The following PDS5B variants were observed in gnomAD, a reference collection of about 807,000 sequenced individuals.
PDS5B encodes the protein sister chromatid cohesion protein PDS5 homolog B.
In PDS5B, 51 loss-of-function variants were observed where a neutral mutation model predicts 184.1. That is an observed-to-expected ratio of 0.28 (90% CI 0.22 to 0.35). The LOEUF (loss-of-function observed/expected upper bound fraction) is 0.35, where lower values mean the gene tolerates loss of function less well. Ranked by LOEUF, PDS5B falls within the 10% of genes least tolerant of loss-of-function variation. The pLI, the probability that PDS5B is intolerant of heterozygous loss-of-function variation, is 1.00. For missense variants in PDS5B, 1,180 were observed against 1,723.3 expected, an observed-to-expected ratio of 0.68 and a Z score of 5.58; for synonymous variants, 566 against 569.2, an observed-to-expected ratio of 0.99 and a Z score of 0.08.
intron 1 of PDS5B, among the ~76,000 whole-genome samples, chr13:32,632,331 A>G (rs1456130138): frequency 6.6e-6 from 1 of 152,226 alleles, no homozygotes; most frequent in Non-Finnish European, 1.5e-5. Context: ...ACAAAAAGAC[A>G]ACCTAATTTA....
intron 29 of PDS5B, 127 bp downstream of exon 29, chr13:32,759,817 G>A: frequency 3.8e-6 from 2 of 533,106 alleles, no homozygotes. Flanking sequence ...AAGAATTAAC[G>A]ATCTTACATT....
intron 9 of PDS5B, among the ~76,000 whole-genome samples, chr13:32,676,653 C>T (rs373791621): frequency 2.6e-5 from 4 of 152,126 alleles, no homozygotes; most frequent in Non-Finnish European, 4.4e-5. Context: ...AAGATCTGGC[C>T]GGGCGCGGTG....
intron 1 of PDS5B, among the ~76,000 whole-genome samples, chr13:32,589,866 C>T (rs2057747743): frequency 6.6e-6 from 1 of 152,032 alleles, no homozygotes; most frequent in Non-Finnish European, 1.5e-5. Context: ...CCTTTCCTCA[C>T]ACTGTTCTGT....
rs1954948082 is a variant in PDS5B, at chr13:32,776,033, A to G, written c.*981A>G. On this transcript the variant is annotated 3_prime_UTR_variant, in exon 35 of 35. Coordinates refer to ENST00000315596, the MANE Select transcript of PDS5B (RefSeq NM_015032.4). ...CATTAGAAATATTCCAGTTCTCCGT[A>G]ACAGTGTAAAGTTAATCAGAAAGAA... 1 of 155,906 alleles carries G rather than the reference A, an allele frequency of 6.4e-6. No individual in the cohort carries two copies. The highest frequency in any genetic ancestry group is 2.4e-5 in the African/African-American group (1 of 41,484). 9.7% of individuals were successfully genotyped at this position (155,906 alleles called of 1,614,324 possible). A position where few individuals can be genotyped will look rare whatever the true frequency, so the allele number is the denominator to read the frequency against.
At chr13:32,764,984 T>C (rs530671678) in intron 31 of PDS5B, among the ~76,000 whole-genome samples, 1 of 152,282 alleles carries the variant, frequency 6.6e-6, no homozygotes, top group South Asian at 2.1e-4. Flanking sequence ...TTTCATTTAA[T>C]TTATTTCTTG....
intron 18 of PDS5B, among the ~76,000 whole-genome samples, chr13:32,709,484 T>C (rs994876110): frequency 5.3e-5 from 8 of 152,126 alleles, no homozygotes; most frequent in African/African-American, 1.9e-4. Flanking sequence ...TATTCTAATG[T>C]TCGTACCATT....
chr13:32,649,218 T>A (rs746495061), intron 2 of PDS5B: 12 of 191,468 alleles, frequency 6.3e-5, no homozygotes, highest in Non-Finnish European at 1.3e-4. Context: ...TAAGGGAGTT[T>A]TAGGTCTTTA....
chr13:32,757,599 C>G (rs1209551359), intron 26 of PDS5B, among the ~76,000 whole-genome samples: 1 of 152,138 alleles, frequency 6.6e-6, no homozygotes, highest in African/African-American at 2.4e-5. Flanking sequence ...AAAGACAATG[C>G]TTATAATTGT....
intron 1 of PDS5B, among the ~76,000 whole-genome samples, chr13:32,641,143 A>G (rs190050262): frequency 6.6e-6 from 1 of 151,542 alleles, no homozygotes; most frequent in Non-Finnish European, 1.5e-5. Flanking sequence ...TTATATGACT[A>G]TTTTCTAAGT....
intron 15 of PDS5B, among the ~76,000 whole-genome samples, chr13:32,699,357 AACTT>A (rs1951800461): frequency 6.6e-6 from 1 of 152,190 alleles, no homozygotes; most frequent in South Asian, 2.1e-4. Flanking sequence ...TTAAAGGTAA[AACTT>A]AGTGATTAAT....
rs199994437 is a variant in PDS5B, at chr13:32,770,121, T to A, written c.3625T>A (p.Ser1209Thr). 4.4e-6 allele frequency: 7 copies of A among 1,585,166 alleles called. No homozygotes were observed. The African/African-American group carries it at 9.6e-5, about 22-fold the overall frequency. ...AATTGTGATTTTTTTTTTCCCCTAG[T>A]CTGAATTGGAGAAGCCTAGAGGCAG... is the stretch of plus-strand genomic sequence containing the variant. ...DKRDDSDLVR[S>T]ELEKPRGRKK... Residue 1209 changes from serine to threonine, a missense_variant and splice_region_variant, in exon 32 of 35, where the codon TCT (serine) becomes ACT (threonine). Ser to Thr is a moderately conservative substitution (Grantham distance 58, BLOSUM62 1). Around this residue, in one of 11 missense-constraint regions of PDS5B, gnomAD observed 465 missense variants for 497.8 expected, o/e 0.93. Coordinates refer to ENST00000315596, the MANE Select transcript of PDS5B (RefSeq NM_015032.4).
chr13:32,681,371 C>A (rs1199860687), intron 10 of PDS5B, among the ~76,000 whole-genome samples: 1 of 152,072 alleles, frequency 6.6e-6, no homozygotes, highest in East Asian at 1.9e-4. Context: ...GCCTGTAATC[C>A]CTGCACTTTG....
chr13:32,614,394 T>C, intron 1 of PDS5B, among the ~76,000 whole-genome samples: 1 of 151,590 alleles, frequency 6.6e-6, no homozygotes, highest in Admixed American at 6.6e-5. Context: ...GCCTCCCGGG[T>C]TCAGGCGATT....
At chr13:32,773,118 C>T in intron 33 of PDS5B, 71 bp from the exon 34 acceptor site, 3 of 1,302,438 alleles carry the variant, frequency 2.3e-6, no homozygotes, top group Non-Finnish European at 3.2e-6. Flanking sequence ...ATACGTGAAA[C>T]ATTTCTTCTA....
At chr13:32,669,769 G>T (rs185546914) in intron 7 of PDS5B, among the ~76,000 whole-genome samples, 51 of 152,226 alleles carry the variant, frequency 3.4e-4, no homozygotes, top group Admixed American at 1.3e-4. Flanking sequence ...TCAGTACGTT[G>T]TCCACTATTT....
chr13:32,730,725 A>G (rs958967293), intron 19 of PDS5B, among the ~76,000 whole-genome samples: 8 of 152,128 alleles, frequency 5.3e-5, no homozygotes, highest in Non-Finnish European at 1.0e-4. Flanking sequence ...ATGGGAGCTC[A>G]CTCATGATTT....
chr13:32,641,552 C>T (rs370540640), intron 1 of PDS5B, among the ~76,000 whole-genome samples: 1 of 151,996 alleles, frequency 6.6e-6, no homozygotes, highest in Non-Finnish European at 1.5e-5. Flanking sequence ...CACTATATAT[C>T]GTCCCTTCAT....
chr13:32,624,049 A>G (rs998993667), intron 1 of PDS5B, among the ~76,000 whole-genome samples: 16 of 151,904 alleles, frequency 1.1e-4, no homozygotes, highest in Admixed American at 8.5e-4. Context: ...AAAAAAAAAA[A>G]TTGTTACACT....
At chr13:32,709,316 G>A (rs1338677163) in intron 18 of PDS5B, among the ~76,000 whole-genome samples, 1 of 151,838 alleles carries the variant, frequency 6.6e-6, no homozygotes, top group Non-Finnish European at 1.5e-5. Flanking sequence ...TGTTGTGGGG[G>A]CAAGGGGTCT....
Sources: gnomAD v4.1 joint callset for allele counts (sites outside exome capture counted in the v4.1 genomes callset) on GRCh38, gnomAD v4.1.1 for gene constraint, gnomAD v4.1.1 regional missense constraint, MANE v1.5 for transcripts, NCBI Gene and HGNC (gene_info 2026-07-23, HGNC 2026-07-21) for gene names.